Variants in TRERF1 observed in about 807,000 individuals in gnomAD.
TRERF1 encodes transcriptional regulating factor 1.
Under a neutral mutation model 122.9 loss-of-function variants are expected in TRERF1, and 27 were observed. That is an observed-to-expected ratio of 0.22 (90% CI 0.16 to 0.30). TRERF1 has a LOEUF of 0.30. Ranked by LOEUF, TRERF1 falls within the 10% of genes least tolerant of loss-of-function variation. TRERF1 has a pLI of 1.00. For synonymous variants in TRERF1, 636 were observed against 641.7 expected, an observed-to-expected ratio of 0.99 and a Z score of 0.13; for missense variants, 1,248 against 1,560.3, an observed-to-expected ratio of 0.80 and a Z score of 3.37.
intron 3 of TRERF1, among the ~76,000 whole-genome samples, chr6:42,318,487 C>A (rs181564803): frequency 1.3e-5 from 2 of 152,148 alleles, no homozygotes; most frequent in African/African-American, 4.8e-5. Flanking sequence ...ACAGCCAAGA[C>A]GAACCCTTCA....
At chr6:42,333,247 T>C (rs1369355487) in intron 3 of TRERF1, among the ~76,000 whole-genome samples, 1 of 152,222 alleles carries the variant, frequency 6.6e-6, no homozygotes, top group Non-Finnish European at 1.5e-5. Flanking sequence ...GAAGCTCATT[T>C]CATATGAATC....
At chr6:42,402,840 T>C (rs1779596623) in intron 2 of TRERF1, among the ~76,000 whole-genome samples, 1 of 152,192 alleles carries the variant, frequency 6.6e-6, no homozygotes, top group South Asian at 2.1e-4. Flanking sequence ...ATTTAATAGA[T>C]CCATCTTACA....
chr6:42,328,763 A>C (rs1764741816), intron 3 of TRERF1, among the ~76,000 whole-genome samples: 2 of 152,100 alleles, frequency 1.3e-5, no homozygotes, highest in Non-Finnish European at 2.9e-5. Context: ...TCCCTACAGC[A>C]CTGTTCACAC....
intron 15 of TRERF1, 28 bp from the exon 16 acceptor site, chr6:42,236,439 G>A (rs1034294577): frequency 1.9e-6 from 3 of 1,546,390 alleles, no homozygotes; most frequent in South Asian, 2.4e-5. Flanking sequence ...AAAGCAAGAG[G>A]GGAAAATCCC....
intron 4 of TRERF1, among the ~76,000 whole-genome samples, chr6:42,280,412 T>G (rs1782102729): frequency 6.6e-6 from 1 of 152,166 alleles, no homozygotes; most frequent in African/African-American, 2.4e-5. Flanking sequence ...AGCAAGTTCG[T>G]GCTCTGAGGG....
At chr6:42,307,697 A>G (rs1787524334) in intron 3 of TRERF1, among the ~76,000 whole-genome samples, 1 of 152,082 alleles carries the variant, frequency 6.6e-6, no homozygotes, top group Non-Finnish European at 1.5e-5. Flanking sequence ...ATGAAAAAAA[A>G]AAAAAAAAGA....
At chr6:42,236,760 G>A (rs1444679768) in intron 15 of TRERF1, among the ~76,000 whole-genome samples, 3 of 152,196 alleles carry the variant, frequency 2.0e-5, no homozygotes, top group East Asian at 1.9e-4. Context: ...CTCAGGCTGC[G>A]TCCTGCCTGT....
intron 2 of TRERF1, among the ~76,000 whole-genome samples, chr6:42,395,776 C>T (rs1387241911): frequency 6.6e-6 from 1 of 151,704 alleles, no homozygotes; most frequent in Non-Finnish European, 1.5e-5. Context: ...CCATGATCAC[C>T]CCTCAAGCAA....
rs542852290 is a variant in TRERF1 at position 42,280,148 on chromosome 6, C to T, written c.-258-10300G>A. On this transcript the variant is annotated intron_variant, in intron 4 of 17. Coordinates refer to ENST00000372922, the Ensembl canonical transcript of TRERF1. ...CCGAGCTACATACTGGGCAATGCCACGGTCCCAAGCTTTTCGCTTTTAAGA... is the reference window on the plus strand; with the variant it reads ...CCGAGCTACATACTGGGCAATGCCATGGTCCCAAGCTTTTCGCTTTTAAGA... 2.8e-3 allele frequency among the ~76,000 whole-genome samples: 430 copies of T among 152,218 alleles called. 2 individuals are homozygous for T. Among genetic ancestry groups the T allele is most frequent in the African/African-American group, 9.7e-3 (404 of 41,524 alleles).
intron 5 of TRERF1, 115 bp from the exon 6 acceptor site, chr6:42,265,912 T>TCAGCACGAAGCAGA: frequency 9.0e-7 from 1 of 1,108,948 alleles, no homozygotes; most frequent in Non-Finnish European, 1.3e-6. Flanking sequence ...CTTTCTGCTG[T>TCAGCACGAAGCAGA]CTGCTTCGTG....
chr6:42,253,264 C>A (rs981957222), intron 13 of TRERF1, among the ~76,000 whole-genome samples: 1 of 152,176 alleles, frequency 6.6e-6, no homozygotes, highest in African/African-American at 2.4e-5. Flanking sequence ...CTGCTCACAG[C>A]TAGAGCTAAC....
At chr6:42,290,972 G>T (rs1323202984) in intron 4 of TRERF1, among the ~76,000 whole-genome samples, 1 of 151,968 alleles carries the variant, frequency 6.6e-6, no homozygotes, top group African/African-American at 2.4e-5. Flanking sequence ...GGACACCAAA[G>T]AATTCGTGAA....
chr6:42,378,218 G>A (rs1289584283), intron 2 of TRERF1, among the ~76,000 whole-genome samples: 3 of 152,046 alleles, frequency 2.0e-5, no homozygotes, highest in East Asian at 1.9e-4. Flanking sequence ...ATCTTCCTAC[G>A]CTGAGGGCTG....
chr6:42,439,005 G>GA, intron 2 of TRERF1, among the ~76,000 whole-genome samples: 1 of 152,316 alleles, frequency 6.6e-6, no homozygotes, highest in East Asian at 1.9e-4. Flanking sequence ...CCTCAAGGAA[G>GA]AAAAGGGGAC....
intron 2 of TRERF1, among the ~76,000 whole-genome samples, chr6:42,439,316 T>C (rs1305088256): frequency 6.6e-6 from 1 of 152,152 alleles, no homozygotes; most frequent in Non-Finnish European, 1.5e-5. Flanking sequence ...GCCCAATCCC[T>C]GCTCACCTCT....
In TRERF1 at chr6:42,291,699, G is replaced by GT. The variant is rs1014135394; in HGVS notation, c.-259+8938dup. ...CAGGCGCCTGCCACCACGCCCGGCTGTTTTTTTTTTTTGTGTGTGTATTTT... is the reference window on the plus strand; with the variant it reads ...CAGGCGCCTGCCACCACGCCCGGCTGTTTTTTTTTTTTTGTGTGTGTATTTT... On this transcript the variant is annotated intron_variant, in intron 4 of 17. Transcript: ENST00000372922. 4.9e-3 allele frequency among the ~76,000 whole-genome samples: 711 copies of GT among 144,954 alleles called. 2 individuals are homozygous for GT. The highest frequency in any genetic ancestry group is 0.013 in the African/African-American group (532 of 39,830).
chr6:42,250,486 A>C (rs1775546566), intron 13 of TRERF1, among the ~76,000 whole-genome samples: 1 of 152,128 alleles, frequency 6.6e-6, no homozygotes. Context: ...AGGTTCTCTA[A>C]GCCGGCCCTT....
Position 42,384,810 on chromosome 6 carries a change from G to GTT in TRERF1, c.-453-21733_-453-21732dup, listed in dbSNP as rs879832637. Among the ~76,000 whole-genome samples, 17 of 145,120 alleles carry GTT rather than the reference G, an allele frequency of 1.2e-4. No individual in the cohort carries two copies. The East Asian group carries it at 3.2e-3, about 27-fold the overall frequency. Reference sequence around the variant, plus strand: ...TTTATTTGTTCATTTTGTCTTTTGGGTTTTTTTTTTTCAAGACAGGGTCTC... The same window carrying GTT: ...TTTATTTGTTCATTTTGTCTTTTGGGTTTTTTTTTTTTTCAAGACAGGGTCTC... On this transcript the variant is annotated intron_variant, in intron 2 of 17. Coordinates refer to ENST00000372922, the Ensembl canonical transcript of TRERF1.
intron 3 of TRERF1, among the ~76,000 whole-genome samples, chr6:42,313,606 G>A (rs1023686108): frequency 3.3e-5 from 5 of 152,112 alleles, no homozygotes; most frequent in African/African-American, 9.7e-5. Flanking sequence ...CTGGGATGTG[G>A]GCCCCAGAAC....
Sources: gnomAD v4.1 joint callset for allele counts (sites outside exome capture counted in the v4.1 genomes callset) on GRCh38, gnomAD v4.1.1 for gene constraint, MANE v1.5 for transcripts, NCBI Gene and HGNC (gene_info 2026-07-23, HGNC 2026-07-21) for gene names.